WDR26: variants seen among roughly 807,000 people sequenced by gnomAD.
WDR26 encodes the protein WD repeat-containing protein 26.
Under a neutral mutation model 84.1 loss-of-function variants are expected in WDR26, and 5 were observed. That is an observed-to-expected ratio of 0.06 (90% CI 0.03 to 0.13). WDR26 has a LOEUF of 0.13. WDR26 is among the 10% of genes least tolerant of loss of function. The pLI is 1.00. For missense variants in WDR26, 642 were observed against 974.9 expected (o/e 0.66, Z 4.55); for synonymous variants, 415 against 389.6 (o/e 1.07, Z -0.77).
chr1:224,392,412 A>G (rs1673154332), intron 13 of WDR26, among the ~76,000 whole-genome samples: 3 of 152,160 alleles, frequency 2.0e-5, no homozygotes, highest in Admixed American at 6.5e-5. Context: ...GTTACTACAT[A>G]CCTAGTATTT....
intron 3 of WDR26, among the ~76,000 whole-genome samples, chr1:224,428,989 T>C (rs1264502279): frequency 1.3e-5 from 2 of 150,544 alleles, no homozygotes; most frequent in Non-Finnish European, 3.0e-5. Context: ...AAACAGCTGG[T>C]GCAGTGGTTC....
intron 13 of WDR26, among the ~76,000 whole-genome samples, chr1:224,392,974 A>G (rs1406180109): frequency 6.6e-6 from 1 of 152,140 alleles, no homozygotes; most frequent in Non-Finnish European, 1.5e-5. Context: ...CTTCCTTCTA[A>G]GCAAACCAAA....
intron 5 of WDR26, among the ~76,000 whole-genome samples, chr1:224,418,657 G>C (rs1393887788): frequency 2.0e-5 from 3 of 152,134 alleles, no homozygotes; most frequent in East Asian, 3.8e-4. Flanking sequence ...GGATTTTCTA[G>C]GGGCAGGGAG....
At chr1:224,413,379 T>C (rs544394205) in intron 6 of WDR26, 2 of 1,087,472 alleles carry the variant, frequency 1.8e-6, no homozygotes, top group Non-Finnish European at 2.4e-6. Flanking sequence ...CATTCTTTAT[T>C]TGGTACACAT....
Position 224,388,346 on chromosome 1 carries a change from G to C in WDR26, c.*1489C>G, listed in dbSNP as rs1337212833. ...ATCCCCATTCTCATTCCAACAGCTG[G>C]AGTCACCCTATTTATCCTCTACTGA... On this transcript the variant is annotated 3_prime_UTR_variant, in exon 14 of 14. Transcript: ENST00000414423. 1 of 152,116 alleles carries C rather than the reference G, an allele frequency of 6.6e-6. No homozygotes were observed. Among genetic ancestry groups the C allele is most frequent in the African/African-American group, 2.4e-5 (1 of 41,424 alleles). 9.4% of individuals were successfully genotyped at this position (152,116 alleles called of 1,614,324 possible).
At chr1:224,403,376 G>A (rs1427049762) in intron 8 of WDR26, among the ~76,000 whole-genome samples, 1 of 152,142 alleles carries the variant, frequency 6.6e-6, no homozygotes, top group Non-Finnish European at 1.5e-5. Flanking sequence ...ATGCATGTAT[G>A]TACAAACAAA....
intron 4 of WDR26, 62 bp from the exon 5 acceptor site, chr1:224,419,677 GA>G (rs757299091): frequency 3.1e-6 from 4 of 1,310,962 alleles, no homozygotes; most frequent in Non-Finnish European, 4.4e-6. Flanking sequence ...AAATGTAATT[GA>G]AAAGTACTGA....
intron 3 of WDR26, among the ~76,000 whole-genome samples, chr1:224,425,124 G>C (rs1389115715): frequency 6.6e-6 from 1 of 152,220 alleles, no homozygotes; most frequent in East Asian, 1.9e-4. Flanking sequence ...CAATGTGAAA[G>C]AGGGAATAAG....
At position 224,388,473 on chromosome 1, in the gene WDR26, G is replaced by A. The variant is rs1418686253; in HGVS notation, c.*1362C>T. ...ATCAGGCTTTTGGCTTATTTTAAAT[G>A]TGAAATTCTCAAAATTAAAAGTGCT... On this transcript the variant is annotated 3_prime_UTR_variant, in exon 14 of 14. Transcript: ENST00000414423. The A allele has an allele frequency of 6.6e-6, 1 of 152,322 alleles. No homozygotes were observed. The highest frequency in any genetic ancestry group is 1.5e-5 in the Non-Finnish European group (1 of 68,026). The allele number at this position is 152,322 out of a possible 1,614,324, so 9.4% of individuals were successfully genotyped here. A position where few individuals can be genotyped will look rare whatever the true frequency, so the allele number is the denominator to read the frequency against.
Position 224,427,234 on chromosome 1 carries a change from G to GT in WDR26, c.928-2581dup, listed in dbSNP as rs570052296. Among the ~76,000 whole-genome samples the GT allele has an allele frequency of 1.1e-4, 17 of 150,934 alleles. No homozygotes were observed. The South Asian group carries it at 3.3e-3, about 30-fold the overall frequency. ...CATGGAACTGGCCAGAGCATGAGAT[G>GT]TAATTTCTTCACTAAATTTTCTTAG... On this transcript the variant is annotated intron_variant, in intron 3 of 13. Transcript: ENST00000414423.
intron 7 of WDR26, among the ~76,000 whole-genome samples, chr1:224,406,011 C>A (rs1214748586): frequency 6.6e-6 from 1 of 152,026 alleles, no homozygotes; most frequent in South Asian, 2.1e-4. Context: ...ACAGTCAGTT[C>A]CCAAAAAATG....
rs1674535261 is a variant in WDR26 at position 224,434,338 on chromosome 1, G to A, written c.68C>T (p.Ala23Val). 2 of 1,229,890 alleles carry A rather than the reference G, an allele frequency of 1.6e-6. No homozygotes were observed. The highest frequency in any genetic ancestry group is 2.0e-6 in the Non-Finnish European group (2 of 987,194). 76.2% of individuals were successfully genotyped at this position (1,229,890 alleles called of 1,614,324 possible). A position where few individuals can be genotyped will look rare whatever the true frequency, so the allele number is the denominator to read the frequency against. Residue 23 changes from alanine (A) to valine (V), a missense_variant, in exon 1 of 14, where the codon GCC becomes GTC. This residue lies in a region of WDR26 where 291 missense variants were observed against 302.1 expected (regional missense o/e 0.96). Coordinates refer to ENST00000414423, the MANE Select transcript of WDR26 (RefSeq NM_001379403.1). The stretch of plus-strand genomic sequence containing the variant: ...GGGTTTCTTCCGCGGGGGCGGGGAG[G>A]CTCCGCCGGTGTCCGAGTCGGAGGA...
At chr1:224,420,879 T>A (rs1335375435) in intron 4 of WDR26, among the ~76,000 whole-genome samples, 1 of 152,166 alleles carries the variant, frequency 6.6e-6, no homozygotes, top group Admixed American at 6.5e-5. Flanking sequence ...ATTACAGGCG[T>A]GTGCCACCGT....
Position 224,413,742 on chromosome 1 carries a change from G to C in WDR26, c.1320-2177C>G, listed in dbSNP as rs564298098. On this transcript the variant is annotated intron_variant, in intron 6 of 13. Coordinates refer to ENST00000414423, the MANE Select transcript of WDR26 (RefSeq NM_001379403.1). ...TTAAAATCATATTTTTCAAGGCACT[G>C]CTGGACAAAATTCCAATCAAATAAG... Among the ~76,000 whole-genome samples the C allele has an allele frequency of 2.8e-3, 422 of 152,302 alleles. 3 individuals carry two copies. The highest frequency in any genetic ancestry group is 9.7e-3 in the African/African-American group (403 of 41,580).
At chr1:224,416,220 C>T (rs990764631) in intron 6 of WDR26, among the ~76,000 whole-genome samples, 4 of 151,250 alleles carry the variant, frequency 2.6e-5, no homozygotes, top group Non-Finnish European at 5.9e-5. Context: ...CTCTGAACTG[C>T]TTTTTTCTTT....
intron 5 of WDR26, among the ~76,000 whole-genome samples, chr1:224,418,722 G>C (rs1673976424): frequency 6.6e-6 from 1 of 152,168 alleles, no homozygotes; most frequent in African/African-American, 2.4e-5. Flanking sequence ...ACAATGAAAA[G>C]AATATTAGAT....
At chr1:224,398,831 C>T in intron 10 of WDR26, 58 bp downstream of exon 10, 1 of 1,597,818 alleles carries the variant, frequency 6.3e-7, no homozygotes, top group Non-Finnish European at 8.5e-7. Flanking sequence ...GCAAGTTCCA[C>T]TACACATTTG....
chr1:224,415,381 T>TA (rs1398486818), intron 6 of WDR26, among the ~76,000 whole-genome samples: 8 of 152,006 alleles, frequency 5.3e-5, no homozygotes, highest in Non-Finnish European at 7.4e-5. Context: ...GGCCTGTATC[T>TA]AGTTGTCATT....
intron 6 of WDR26, among the ~76,000 whole-genome samples, chr1:224,412,634 A>G (rs72758328): frequency 8.7e-4 from 133 of 152,310 alleles, no homozygotes; most frequent in Non-Finnish European, 1.5e-3. Context: ...TTAAAAAAAA[A>G]TCATTCTTTT....
Sources: gnomAD v4.1 joint callset for allele counts (sites outside exome capture counted in the v4.1 genomes callset) on GRCh38, gnomAD v4.1.1 for gene constraint, gnomAD v4.1.1 regional missense constraint, MANE v1.5 for transcripts, NCBI Gene and HGNC (gene_info 2026-07-23, HGNC 2026-07-21) for gene names.